The following FLT3 variants were observed in gnomAD, a reference collection of about 807,000 sequenced individuals.
FLT3 encodes receptor-type tyrosine-protein kinase FLT3.
FLT3 carries 46 observed loss-of-function variants against 126.6 expected under a neutral mutation model. The ratio of observed to expected loss-of-function variants is 0.36; its 90% CI spans 0.29 to 0.46. The LOEUF (loss-of-function observed/expected upper bound fraction) is 0.46, where lower values mean the gene tolerates loss of function less well. Ranked by LOEUF, FLT3 falls within the 20% of genes least tolerant of loss-of-function variation. FLT3 has a pLI of 1.00. For synonymous variants in FLT3, 404 were observed against 434.4 expected (o/e 0.93, Z 0.87); for missense variants, 1,069 against 1,190.3 (o/e 0.90, Z 1.50).
At chr13:28,016,192 T>A (rs1386902433) in intron 20 of FLT3, among the ~76,000 whole-genome samples, 1 of 152,178 alleles carries the variant, frequency 6.6e-6, no homozygotes, top group African/African-American at 2.4e-5. Context: ...GAAAGGGAGT[T>A]TTGACTTAGT....
intron 13 of FLT3, 33 bp from the exon 14 acceptor site, chr13:28,034,247 T>C: frequency 3.1e-6 from 5 of 1,613,896 alleles, no homozygotes; most frequent in Non-Finnish European, 4.2e-6. Context: ...CAGTTAGGAA[T>C]AGGCAGTTCT....
chr13:28,076,932 T>G (rs1325376223), intron 1 of FLT3, among the ~76,000 whole-genome samples: 1 of 121,650 alleles, frequency 8.2e-6, no homozygotes, highest in Non-Finnish European at 1.6e-5. Flanking sequence ...TGTCTCTGGG[T>G]GACAGAGCAA....
intron 3 of FLT3, among the ~76,000 whole-genome samples, chr13:28,059,325 G>A (rs1269940475): frequency 6.6e-6 from 1 of 152,114 alleles, no homozygotes; most frequent in East Asian, 1.9e-4. Context: ...GGGACAACAG[G>A]ACAGCCACAA....
chr13:28,028,922 C>T (rs1321919072), intron 15 of FLT3, among the ~76,000 whole-genome samples: 3 of 152,098 alleles, frequency 2.0e-5, no homozygotes, highest in African/African-American at 7.2e-5. Context: ...ACTGGTACTA[C>T]AAGCACAGGC....
At chr13:28,080,291 G>T (rs1164593888) in intron 1 of FLT3, among the ~76,000 whole-genome samples, 1 of 152,224 alleles carries the variant, frequency 6.6e-6, no homozygotes, top group Non-Finnish European at 1.5e-5. Flanking sequence ...CACCAGAATT[G>T]CTTGAACCCA....
chr13:28,049,758 A>T lies in FLT3; in HGVS notation c.759T>A (p.Pro253=). The change falls in exon 7 of 24, where the codon CCT becomes CCA. Residue 253 remains proline (P), a synonymous_variant. Transcript: ENST00000241453. ...RLFTIDLNQT[P]QTTLPQLFLK... ...GAAATAATTGTGGCAATGTGGTCTG[A>T]GGAGTTTGATTTAGATCTAGGAGAT... is the stretch of plus-strand genomic sequence containing the variant. 6.2e-7 allele frequency: 1 copy of T among 1,613,878 alleles called. No homozygotes were observed. The highest frequency in any genetic ancestry group is 8.5e-7 in the Non-Finnish European group (1 of 1,179,916).
At chr13:28,091,667 G>A (rs970796946) in intron 1 of FLT3, among the ~76,000 whole-genome samples, 1 of 152,042 alleles carries the variant, frequency 6.6e-6, no homozygotes, top group Non-Finnish European at 1.5e-5. Context: ...GGGTGCAGTG[G>A]CTCACGCCTG....
At chr13:28,045,240 A>G (rs1419224067) in intron 9 of FLT3, among the ~76,000 whole-genome samples, 1 of 152,248 alleles carries the variant, frequency 6.6e-6, no homozygotes, top group East Asian at 1.9e-4. Context: ...GTTATACCAG[A>G]TATCACCAGC....
In FLT3 at chr13:28,036,840, C is replaced by T. The variant is rs112047573; in HGVS notation, c.1309+345G>A. ...AAAAATGGTTTTAAAATTAGCTGAG[C>T]ATGGTGGCGCGTGCCTGTAGTCCCA... On this transcript the variant is annotated intron_variant, in intron 10 of 23. Transcript: ENST00000241453. Among the ~76,000 whole-genome samples, 8,599 of 152,170 alleles carry T rather than the reference C, an allele frequency of 0.057. 787 individuals are homozygous for T. The highest frequency in any genetic ancestry group is 0.19 in the African/African-American group (8,017 of 41,460).
intron 9 of FLT3, among the ~76,000 whole-genome samples, chr13:28,039,790 C>T (rs1874183627): frequency 1.3e-5 from 2 of 152,150 alleles, no homozygotes; most frequent in East Asian, 3.9e-4. Flanking sequence ...TCATGTGATC[C>T]TCTCTCCTTG....
chr13:28,090,149 T>C (rs1878940921), intron 1 of FLT3, among the ~76,000 whole-genome samples: 1 of 151,824 alleles, frequency 6.6e-6, no homozygotes, highest in South Asian at 2.1e-4. Flanking sequence ...CAAATGATTA[T>C]CCTGCCTCAG....
chr13:28,024,788 T>A, intron 18 of FLT3, 73 bp downstream of exon 18: 1 of 1,083,040 alleles, frequency 9.2e-7, no homozygotes, highest in Non-Finnish European at 1.4e-6. Context: ...TACACACTTT[T>A]AAAAAATAGC....
intron 9 of FLT3, among the ~76,000 whole-genome samples, chr13:28,046,750 C>T (rs1313532858): frequency 6.6e-6 from 1 of 152,000 alleles, no homozygotes; most frequent in Non-Finnish European, 1.5e-5. Context: ...TGTACACCAC[C>T]ACACTCAACT....
At chr13:28,084,627 A>G (rs1878532523) in intron 1 of FLT3, among the ~76,000 whole-genome samples, 1 of 152,026 alleles carries the variant, frequency 6.6e-6, no homozygotes, top group African/African-American at 2.4e-5. Context: ...CCCAGGCTGA[A>G]ATTTTAATTT....
intron 2 of FLT3, among the ~76,000 whole-genome samples, chr13:28,066,902 C>T (rs1472404986): frequency 6.6e-6 from 1 of 152,164 alleles, no homozygotes; most frequent in Non-Finnish European, 1.5e-5. Context: ...AAAATAGTAA[C>T]TTTGCAGTGG....
rs143926224 is a variant in FLT3, at chr13:28,062,305, G to A, written c.166-236C>T. Among the ~76,000 whole-genome samples the A allele has an allele frequency of 3.9e-5, 6 of 152,178 alleles. No individual in the cohort carries two copies. The East Asian group carries it at 1.2e-3, about 29-fold the overall frequency. ...CTAAAATGTTGTACGGACTGTCATG[G>A]CGTGTGTCCCCCTACCTCTGCAAGT... On this transcript the variant is annotated intron_variant, in intron 2 of 23. Coordinates refer to ENST00000241453, the MANE Select transcript of FLT3 (RefSeq NM_004119.3).
rs568945405 is a variant in FLT3, at chr13:28,091,258, G to T, written c.43+9210C>A. Among the ~76,000 whole-genome samples, 39 of 103,416 alleles carry T rather than the reference G, an allele frequency of 3.8e-4. No homozygotes were observed. The South Asian group carries it at 0.013, about 34-fold the overall frequency. The allele number at this position is 103,416 out of a possible 152,430, so 67.8% of individuals were successfully genotyped here. ...TTTTTTTGAGACGGAGTCTCGCTCT[G>T]TCGCCCAGGCTGGAGTGCAGTGGCG... On this transcript the variant is annotated intron_variant, in intron 1 of 23. Coordinates refer to ENST00000241453, the MANE Select transcript of FLT3 (RefSeq NM_004119.3).
At chr13:28,026,644 C>T (rs953956196) in intron 17 of FLT3, among the ~76,000 whole-genome samples, 2 of 152,134 alleles carry the variant, frequency 1.3e-5, no homozygotes, top group South Asian at 2.1e-4. Flanking sequence ...CATCACGTGT[C>T]GATCAATCCA....
chr13:28,064,223 AAC>A (rs1460456724), intron 2 of FLT3, among the ~76,000 whole-genome samples: 2 of 152,242 alleles, frequency 1.3e-5, no homozygotes, highest in Non-Finnish European at 2.9e-5. Flanking sequence ...ACAGAACCAA[AAC>A]ACAGTAGACA....
Sources: gnomAD v4.1 joint callset for allele counts (sites outside exome capture counted in the v4.1 genomes callset) on GRCh38, gnomAD v4.1.1 for gene constraint, MANE v1.5 for transcripts, NCBI Gene and HGNC (gene_info 2026-07-23, HGNC 2026-07-21) for gene names.